FCHO2: variants seen among roughly 807,000 people sequenced by gnomAD.
FCHO2 encodes FCH and mu domain containing endocytic adaptor 2, also known as F-BAR domain only protein 2.
A neutral mutation model predicts 114.1 loss-of-function variants in FCHO2; 43 were observed. The ratio of observed to expected loss-of-function variants is 0.38; its 90% confidence interval spans 0.30 to 0.49. FCHO2 has a LOEUF of 0.49. FCHO2 is among the 20% of genes least tolerant of loss of function. The pLI is 0.97. For synonymous variants in FCHO2, 293 were observed against 315.2 expected (o/e 0.93, Z 0.75); for missense variants, 807 against 950.4 (o/e 0.85, Z 1.98).
chr5:72,966,390 G>A (rs573069653), intron 1 of FCHO2, among the ~76,000 whole-genome samples: 1 of 152,144 alleles, frequency 6.6e-6, no homozygotes, highest in Non-Finnish European at 1.5e-5. Context: ...CATCAAGCAA[G>A]CCTCCTTGCT....
At chr5:72,997,249 T>A (rs1379197453) in intron 5 of FCHO2, 1 of 1,166,060 alleles carries the variant, frequency 8.6e-7, no homozygotes, top group East Asian at 2.3e-5. Context: ...AGAGGCCCCA[T>A]GTGGATTTCT....
chr5:73,067,197 A>G (rs1253580306), intron 18 of FCHO2, among the ~76,000 whole-genome samples: 1 of 152,066 alleles, frequency 6.6e-6, no homozygotes, highest in East Asian at 1.9e-4. Context: ...CACTTGAGAA[A>G]AGAGCTGTTT....
chr5:73,033,611 A>G (rs190239147), intron 8 of FCHO2, among the ~76,000 whole-genome samples: 1 of 152,164 alleles, frequency 6.6e-6, no homozygotes, highest in Admixed American at 6.5e-5. Flanking sequence ...ATTTCTTCAT[A>G]TAGCAAGTTA....
At chr5:72,963,532 G>A (rs983603635) in intron 1 of FCHO2, among the ~76,000 whole-genome samples, 2 of 152,024 alleles carry the variant, frequency 1.3e-5, no homozygotes, top group Admixed American at 1.3e-4. Flanking sequence ...AGGTTTCCAT[G>A]GAATGGATAG....
intron 8 of FCHO2, among the ~76,000 whole-genome samples, chr5:73,024,015 T>A (rs1755780146): frequency 4.6e-5 from 7 of 152,224 alleles, no homozygotes. Flanking sequence ...CACTGCTTGA[T>A]TCCTTTTGAA....
At chr5:73,082,707 T>A in intron 23 of FCHO2, 54 bp from the exon 24 acceptor site, 1 of 1,362,570 alleles carries the variant, frequency 7.3e-7, no homozygotes, top group Non-Finnish European at 1.0e-6. Context: ...GTCCCATTCA[T>A]GTATCAGGTA....
chr5:73,018,157 G>A (rs747793453), intron 8 of FCHO2, among the ~76,000 whole-genome samples: 1 of 152,148 alleles, frequency 6.6e-6, no homozygotes, highest in Non-Finnish European at 1.5e-5. Context: ...TATTTCCTCA[G>A]TGCAGTTCAT....
intron 21 of FCHO2, among the ~76,000 whole-genome samples, chr5:73,077,747 G>A (rs1227893025): frequency 1.3e-5 from 2 of 152,214 alleles, no homozygotes; most frequent in Non-Finnish European, 2.9e-5. Flanking sequence ...CTACTCAGGA[G>A]GCTGAGGTGG....
chr5:72,987,815 G>A (rs944330942), intron 2 of FCHO2, among the ~76,000 whole-genome samples: 12 of 152,196 alleles, frequency 7.9e-5, no homozygotes, highest in African/African-American at 1.9e-4. Context: ...TACTATCAGC[G>A]AGAGGCAGTT....
chr5:72,984,944 A>G (rs927547377), intron 2 of FCHO2, among the ~76,000 whole-genome samples: 3 of 151,908 alleles, frequency 2.0e-5, no homozygotes, highest in Admixed American at 6.6e-5. Context: ...CCTAATTTCT[A>G]TATGTTACAC....
intron 11 of FCHO2, among the ~76,000 whole-genome samples, chr5:73,046,845 T>C (rs1471121580): frequency 2.0e-5 from 3 of 152,200 alleles, no homozygotes; most frequent in African/African-American, 7.2e-5. Flanking sequence ...AACTCACTGC[T>C]AGCTACATTA....
Position 73,040,363 on chromosome 5 carries a change from C to T in FCHO2, c.915-928C>T, listed in dbSNP as rs149623660. On this transcript the variant is annotated intron_variant, in intron 10 of 25. Coordinates refer to ENST00000430046, the MANE Select transcript of FCHO2 (RefSeq NM_138782.3). ...GTTCAAAAACTCTCAGATTTTGGAG[C>T]ACTTTGGATTTCAGATTTTTGGATT... Among the ~76,000 whole-genome samples, 26 of 152,262 alleles carry T rather than the reference C, an allele frequency of 1.7e-4. No individual in the cohort carries two copies. The East Asian group carries it at 4.8e-3, about 28-fold the overall frequency.
At chr5:73,018,883 C>G (rs1482337511) in intron 8 of FCHO2, among the ~76,000 whole-genome samples, 1 of 152,040 alleles carries the variant, frequency 6.6e-6, no homozygotes, top group African/African-American at 2.4e-5. Flanking sequence ...TACACATCTT[C>G]AATAGTTTTC....
intron 1 of FCHO2, among the ~76,000 whole-genome samples, chr5:72,964,680 G>A (rs1013321793): frequency 6.6e-6 from 1 of 152,094 alleles, no homozygotes; most frequent in African/African-American, 2.4e-5. Flanking sequence ...GAGCTACCGC[G>A]CCTGAGCATT....
intron 9 of FCHO2, among the ~76,000 whole-genome samples, chr5:73,035,820 A>G (rs919181881): frequency 2.6e-5 from 4 of 151,652 alleles, no homozygotes; most frequent in Admixed American, 1.3e-4. Flanking sequence ...TCAATTCTCA[A>G]AGAGTAAACA....
intron 8 of FCHO2, among the ~76,000 whole-genome samples, chr5:73,030,979 T>G (rs1756210062): frequency 6.6e-6 from 1 of 152,232 alleles, no homozygotes; most frequent in African/African-American, 2.4e-5. Context: ...GCAAATGCTA[T>G]ATTTGTTATC....
intron 6 of FCHO2, among the ~76,000 whole-genome samples, chr5:73,013,728 C>T (rs1215291713): frequency 4.6e-5 from 7 of 152,114 alleles, no homozygotes; most frequent in African/African-American, 1.2e-4. Flanking sequence ...AGTGCAGAGG[C>T]GCGATCTTGG....
chr5:73,065,535 C>T (rs2112867285), intron 18 of FCHO2, among the ~76,000 whole-genome samples: 1 of 151,890 alleles, frequency 6.6e-6, no homozygotes, highest in African/African-American at 2.4e-5. Flanking sequence ...GTTTAGTTGC[C>T]TCATGGATAA....
intron 19 of FCHO2, among the ~76,000 whole-genome samples, chr5:73,072,135 C>T (rs1411402956): frequency 2.0e-5 from 3 of 151,696 alleles, no homozygotes; most frequent in Non-Finnish European, 4.4e-5. Flanking sequence ...TTCAAGCAGT[C>T]CTCCCACCTC....
Sources: allele counts gnomAD v4.1 joint callset (sites outside exome capture counted in the v4.1 genomes callset), GRCh38; gene constraint gnomAD v4.1.1; transcripts MANE v1.5; gene names NCBI Gene and HGNC (gene_info 2026-07-23, HGNC 2026-07-21).